Variants in ADGRG1 observed in about 807,000 individuals in gnomAD.
ADGRG1 encodes adhesion G protein-coupled receptor G1.
A neutral mutation model predicts 73.5 loss-of-function variants in ADGRG1; 53 were observed. That is an observed-to-expected ratio of 0.72 (90% confidence interval 0.58 to 0.91). The LOEUF (loss-of-function observed/expected upper bound fraction) is 0.91, where lower values mean the gene tolerates loss of function less well. Among genes scored for constraint, ADGRG1 ranks in the 40% least tolerant of loss-of-function variants. The pLI is 0.00. For missense variants in ADGRG1, 795 were observed against 871.8 expected (o/e 0.91, Z 1.11); for synonymous variants, 394 against 374.4 (o/e 1.05, Z -0.60).
rs754008069 is a variant in ADGRG1, at chr16:57,653,347, A to G, written c.620+12A>G. On this transcript the variant is annotated intron_variant, in intron 4 of 13. Transcript: ENST00000562631. ...GCCCCCGCCAGCCAGTAAGTTTGGC[A>G]CCTGGGGCTGTGAGGGGAGGCAGGA... 13 of 1,606,606 alleles carry G rather than the reference A, an allele frequency of 8.1e-6. No individual in the cohort carries two copies. In the African/African-American group the frequency reaches 1.6e-4, roughly 20 times the overall value.
At chr16:57,629,886 C>A in intron 1 of ADGRG1, 1 of 395,628 alleles carries the variant, frequency 2.5e-6, no homozygotes. Flanking sequence ...TGGGGTCTCC[C>A]TGTGCCCCAC....
At chr16:57,626,365 A>C (rs140139961), upstream of ADGRG1, among the ~76,000 whole-genome samples, 321 of 152,308 alleles carry the variant, frequency 2.1e-3, 1 homozygote, top group Middle Eastern at 0.01. Flanking sequence ...GTTGTGTTTA[A>C]CAAGTCATTG....
upstream of ADGRG1, among the ~76,000 whole-genome samples, chr16:57,623,403 G>A (rs1390120704): frequency 6.6e-6 from 1 of 152,242 alleles, no homozygotes; most frequent in Admixed American, 6.5e-5. Flanking sequence ...CACCAAGGGA[G>A]CCAGTTAGAT....
At chr16:57,644,654 ACT>A (rs1176944333) in intron 1 of ADGRG1, among the ~76,000 whole-genome samples, 16 of 134,618 alleles carry the variant, frequency 1.2e-4, no homozygotes, top group African/African-American at 2.3e-4. Flanking sequence ...GGGCACGCAC[ACT>A]CATCACACAC....
intron 1 of ADGRG1, chr16:57,648,591 C>G: frequency 1.0e-6 from 1 of 984,960 alleles, no homozygotes; most frequent in Non-Finnish European, 1.2e-6. Context: ...TGGGACACCC[C>G]TTCTTTTAAT....
chr16:57,656,059 C>T, intron 7 of ADGRG1, 67 bp downstream of exon 7: 1 of 1,613,690 alleles, frequency 6.2e-7, no homozygotes, highest in Non-Finnish European at 8.5e-7. Flanking sequence ...CTCTCCCTCC[C>T]TCCAGACTCA....
chr16:57,632,835 G>A lies in ADGRG1; in HGVS notation c.-36+4033G>A, dbSNP rs368305844. 2.8e-5 allele frequency: 28 copies of A among 985,218 alleles called. No homozygotes were observed. The South Asian group carries it at 1.1e-3, about 38-fold the overall frequency. 61.0% of individuals were successfully genotyped at this position (985,218 alleles called of 1,614,324 possible). A position where few individuals can be genotyped will look rare whatever the true frequency, so the allele number is the denominator to read the frequency against. On this transcript the variant is annotated intron_variant, in intron 1 of 13. Transcript: ENST00000562631. ...CTGCATTAGTGGGAGATGGCCTGGCGGTGGGGAGATGGCCTTGCTGTCCAA... is the reference window on the plus strand; with the variant it reads ...CTGCATTAGTGGGAGATGGCCTGGCAGTGGGGAGATGGCCTTGCTGTCCAA...
At chr16:57,642,657 T>C in intron 1 of ADGRG1, 7 of 984,466 alleles carry the variant, frequency 7.1e-6, no homozygotes, top group Non-Finnish European at 8.4e-6. Flanking sequence ...ATCTGGGGAC[T>C]AGTGCTCCCT....
At chr16:57,644,615 C>T (rs1446056409) in intron 1 of ADGRG1, among the ~76,000 whole-genome samples, 2 of 150,042 alleles carry the variant, frequency 1.3e-5, no homozygotes, top group Admixed American at 6.6e-5. Flanking sequence ...GGCACACACC[C>T]ATGCGCACAC....
intron 1 of ADGRG1, chr16:57,646,921 G>A (rs914590817): frequency 2.7e-5 from 27 of 985,124 alleles, no homozygotes; most frequent in Non-Finnish European, 3.3e-5. Context: ...GCAGAGGCAG[G>A]GCCCTTGCCT....
intron 1 of ADGRG1, chr16:57,639,637 T>C: frequency 3.0e-6 from 3 of 985,526 alleles, no homozygotes. Flanking sequence ...TCTTAATGTA[T>C]CTATAGTCTG....
intron 11 of ADGRG1, 31 bp from the exon 12 acceptor site, chr16:57,660,737 G>T: frequency 6.6e-7 from 1 of 1,519,052 alleles, no homozygotes; most frequent in Non-Finnish European, 9.1e-7. Flanking sequence ...CAGAGAGCGG[G>T]AAGTAGAGCA....
At chr16:57,644,152 A>G (rs4471674) in intron 1 of ADGRG1, 1 of 984,328 alleles carries the variant, frequency 1.0e-6, no homozygotes, top group African/African-American at 1.8e-5. Context: ...TGTTCCTCTG[A>G]GGAGCTCCCC....
At chr16:57,635,562 C>T (rs2039140154) in intron 1 of ADGRG1, 1 of 985,410 alleles carries the variant, frequency 1.0e-6, no homozygotes, top group Non-Finnish European at 1.2e-6. Flanking sequence ...GAGTCAGAAC[C>T]TTTAGTGATT....
chr16:57,650,535 C>G (rs1473753348), intron 2 of ADGRG1, 184 bp downstream of exon 2: 1 of 503,846 alleles, frequency 2.0e-6, no homozygotes, highest in African/African-American at 2.1e-5. Context: ...CAGTGCACAG[C>G]TTAGGGTATG....
At chr16:57,661,532 C>G (rs1257009573) in intron 12 of ADGRG1, 165 bp from the exon 13 acceptor site, 1 of 984,020 alleles carries the variant, frequency 1.0e-6, no homozygotes, top group Non-Finnish European at 1.2e-6. Flanking sequence ...AACAATCTGA[C>G]TTGTTAACTC....
chr16:57,661,763 G>C lies in ADGRG1; in HGVS notation c.1731G>C (p.Leu577=). Residue 577 remains leucine, a synonymous_variant, in exon 13 of 14, where the codon CTG becomes CTC. Transcript: ENST00000562631. The part of the protein sequence containing the change: ...TNLGLFSLVF[L]FNMAMLATMV... The stretch of plus-strand genomic sequence containing the variant: ...TGGGCCTCTTCAGCCTGGTGTTTCT[G>C]TTCAACATGGCCATGCTAGCCACCA... The C allele has an allele frequency of 6.2e-7, 1 of 1,614,208 alleles. No individual in the cohort carries two copies.
At chr16:57,652,893 C>G (rs1597485902) in intron 3 of ADGRG1, 2 of 1,235,372 alleles carry the variant, frequency 1.6e-6, no homozygotes, top group Non-Finnish European at 2.1e-6. Flanking sequence ...CCTAAGGAGG[C>G]CTGGCTGGGC....
At chr16:57,659,189 G>A (rs1286032892) in intron 10 of ADGRG1, 11 of 985,280 alleles carry the variant, frequency 1.1e-5, no homozygotes, top group East Asian at 1.1e-4. Flanking sequence ...TCTGTTAAAC[G>A]TGCACGTGGT....
Sources: gnomAD v4.1 joint callset for allele counts (sites outside exome capture counted in the v4.1 genomes callset) on GRCh38, gnomAD v4.1.1 for gene constraint, MANE v1.5 for transcripts, NCBI Gene and HGNC (gene_info 2026-07-23, HGNC 2026-07-21) for gene names.